The following MCTP1 variants were observed in gnomAD, a reference collection of about 807,000 sequenced individuals.
MCTP1 encodes multiple C2 and transmembrane domain containing 1.
MCTP1 carries 69 observed loss-of-function variants against 120.6 expected under a neutral mutation model. The ratio of observed to expected loss-of-function variants is 0.57; its 90% CI spans 0.47 to 0.70. MCTP1 has a LOEUF of 0.70. Among genes scored for constraint, MCTP1 ranks in the 30% least tolerant of loss-of-function variants. The pLI, the probability that MCTP1 is intolerant of heterozygous loss-of-function variation, is 0.00. For synonymous variants in MCTP1, 529 were observed against 493.1 expected, an observed-to-expected ratio of 1.07 and a Z score of -0.96; for missense variants, 1,203 against 1,248.8, an observed-to-expected ratio of 0.96 and a Z score of 0.55.
chr5:94,797,415 C>A (rs1780329561), intron 18 of MCTP1, among the ~76,000 whole-genome samples: 1 of 152,080 alleles, frequency 6.6e-6, no homozygotes, highest in South Asian at 2.1e-4. Flanking sequence ...TCTAAAATCG[C>A]CATGAAGTAA....
intron 17 of MCTP1, chr5:94,867,224 T>G: frequency 7.1e-7 from 1 of 1,413,110 alleles, no homozygotes; most frequent in Non-Finnish European, 9.3e-7. Context: ...GAGATTTTTT[T>G]TCTAAAACTT....
chr5:95,005,788 C>T (rs1441712739), intron 2 of MCTP1, among the ~76,000 whole-genome samples: 2 of 148,436 alleles, frequency 1.3e-5, no homozygotes, highest in Non-Finnish European at 3.0e-5. Context: ...TTTTTTTTAC[C>T]AAGTCTCAGG....
chr5:94,980,904 T>C (rs1829252898), intron 2 of MCTP1: 2 of 152,032 alleles, frequency 1.3e-5, no homozygotes, highest in African/African-American at 4.8e-5. Context: ...TATTATTCCA[T>C]ATAGTCAATG....
rs546604079 is a variant in MCTP1 at position 95,060,699 on chromosome 5, C to T, written c.721-43215G>A. Reference sequence around the variant, plus strand: ...ATTTAAAGAAGAATCTGGCCGGGCACGGTGGCTCACGCCTGTAATCCCAGC... The same window carrying T: ...ATTTAAAGAAGAATCTGGCCGGGCATGGTGGCTCACGCCTGTAATCCCAGC... On this transcript the variant is annotated intron_variant, in intron 1 of 22. Coordinates refer to ENST00000515393, the MANE Select transcript of MCTP1 (RefSeq NM_024717.7). Among the ~76,000 whole-genome samples, 759 of 152,114 alleles carry T rather than the reference C, an allele frequency of 5.0e-3. 7 individuals are homozygous for T. Among genetic ancestry groups the T allele is most frequent in the Non-Finnish European group, 7.9e-3 (534 of 68,000 alleles).
intron 1 of MCTP1, among the ~76,000 whole-genome samples, chr5:95,026,107 T>G (rs2194948): frequency 0.93 from 142,103 of 152,004 alleles, 67,154 homozygotes; most frequent in East Asian, 1. Flanking sequence ...AAATAAAGGG[T>G]TTACTCTGTT....
intron 1 of MCTP1, among the ~76,000 whole-genome samples, chr5:95,173,496 C>T (rs1160177449): frequency 6.6e-6 from 1 of 152,148 alleles, no homozygotes; most frequent in Admixed American, 6.5e-5. Flanking sequence ...CATCTAGCTC[C>T]TCAGTGTTTA....
intron 19 of MCTP1, among the ~76,000 whole-genome samples, chr5:94,723,454 G>C (rs1033096231): frequency 1.3e-5 from 2 of 152,136 alleles, no homozygotes; most frequent in Non-Finnish European, 2.9e-5. Flanking sequence ...TTTGTACCAG[G>C]TGACTCAGTG....
At chr5:95,193,902 G>A (rs1170300133) in intron 1 of MCTP1, among the ~76,000 whole-genome samples, 2 of 152,050 alleles carry the variant, frequency 1.3e-5, no homozygotes, top group Non-Finnish European at 2.9e-5. Context: ...GGAAACTGAG[G>A]AACAAAGATT....
intron 17 of MCTP1, among the ~76,000 whole-genome samples, chr5:94,816,077 AAAAG>A (rs1366506102): frequency 2.0e-5 from 3 of 152,234 alleles, no homozygotes; most frequent in Non-Finnish European, 2.9e-5. Flanking sequence ...CTTCTCCCAT[AAAAG>A]AAGTAAGCTT....
At chr5:95,019,399 C>T (rs146520993) in intron 1 of MCTP1, among the ~76,000 whole-genome samples, 181 of 152,134 alleles carry the variant, frequency 1.2e-3, no homozygotes, top group Middle Eastern at 6.8e-3. Flanking sequence ...AGTCTGTACT[C>T]TTTGGCCAAC....
intron 19 of MCTP1, among the ~76,000 whole-genome samples, chr5:94,756,804 T>G (rs1220020696): frequency 6.6e-6 from 1 of 152,206 alleles, no homozygotes; most frequent in Non-Finnish European, 1.5e-5. Flanking sequence ...TCTTTCAATA[T>G]TCAATCAAAT....
At chr5:95,039,728 C>A (rs1841986885) in intron 1 of MCTP1, among the ~76,000 whole-genome samples, 1 of 151,788 alleles carries the variant, frequency 6.6e-6, no homozygotes, top group Non-Finnish European at 1.5e-5. Flanking sequence ...ATGTAAGTCC[C>A]AGAAATTATC....
At chr5:94,912,086 A>G (rs1808766501) in intron 9 of MCTP1, among the ~76,000 whole-genome samples, 1 of 152,174 alleles carries the variant, frequency 6.6e-6, no homozygotes, top group Non-Finnish European at 1.5e-5. Context: ...GATAAAGTGT[A>G]TAAGAGTAAC....
Position 94,998,023 on chromosome 5 carries a change from G to A in MCTP1, c.838+19344C>T, listed in dbSNP as rs574032706. Among the ~76,000 whole-genome samples, 49 of 152,086 alleles carry A rather than the reference G, an allele frequency of 3.2e-4. 1 individual carries two copies. The highest frequency in any genetic ancestry group is 6.9e-4 in the Non-Finnish European group (47 of 67,996). On this transcript the variant is annotated intron_variant, in intron 2 of 22. Coordinates refer to ENST00000515393, the MANE Select transcript of MCTP1 (RefSeq NM_024717.7). ...GTAGAAAATGGTCACTGAGTATGGA[G>A]TTTGTTCTCAATGCAAGGCAGTAAA... is the stretch of plus-strand genomic sequence containing the variant.
At chr5:95,155,077 A>G (rs541059436) in intron 1 of MCTP1, among the ~76,000 whole-genome samples, 48 of 152,328 alleles carry the variant, frequency 3.2e-4, no homozygotes, top group African/African-American at 1.1e-3. Flanking sequence ...ATACATCAAT[A>G]ATTATTAGTG....
At chr5:95,145,971 T>C (rs897394608) in intron 1 of MCTP1, among the ~76,000 whole-genome samples, 7 of 152,200 alleles carry the variant, frequency 4.6e-5, no homozygotes, top group Non-Finnish European at 1.0e-4. Context: ...TGGTTCCAGT[T>C]CTTCTTTGTA....
At chr5:95,102,092 C>T (rs1376112155) in intron 1 of MCTP1, among the ~76,000 whole-genome samples, 1 of 152,152 alleles carries the variant, frequency 6.6e-6, no homozygotes, top group Non-Finnish European at 1.5e-5. Context: ...GTGGAATTTA[C>T]TTTCCCTCCC....
intron 20 of MCTP1, among the ~76,000 whole-genome samples, chr5:94,711,437 C>T (rs994454974): frequency 6.6e-6 from 1 of 152,128 alleles, no homozygotes; most frequent in African/African-American, 2.4e-5. Context: ...AAACTACTCA[C>T]TTGTCCTACC....
In MCTP1 at chr5:95,283,734, G is replaced by T. The variant is rs1015092980; in HGVS notation, c.720+122C>A. The T allele has an allele frequency of 1.4e-5, 10 of 710,348 alleles. No individual in the cohort carries two copies. The African/African-American group carries it at 1.5e-4, about 11-fold the overall frequency. The allele number at this position is 710,348 out of a possible 1,614,324, so 44.0% of individuals were successfully genotyped here. Reference sequence around the variant, plus strand: ...TTCTTTCGACTGTTTCATCTACTTAGAATTAATAGCATTTCTCCTCCCGCC... The same window carrying T: ...TTCTTTCGACTGTTTCATCTACTTATAATTAATAGCATTTCTCCTCCCGCC... On this transcript the variant is annotated intron_variant, in intron 1 of 22. Coordinates refer to ENST00000515393, the MANE Select transcript of MCTP1 (RefSeq NM_024717.7).
Sources: gnomAD v4.1 joint callset for allele counts (sites outside exome capture counted in the v4.1 genomes callset) on GRCh38, gnomAD v4.1.1 for gene constraint, MANE v1.5 for transcripts, NCBI Gene and HGNC (gene_info 2026-07-23, HGNC 2026-07-21) for gene names.